The following NEK5 variants were observed in gnomAD, a reference collection of about 807,000 sequenced individuals.
NEK5 encodes NIMA related kinase 5.
In NEK5, 88 loss-of-function variants were observed where a neutral mutation model predicts 109.2. The observed-to-expected ratio is 0.81, with a 90% CI of 0.68 to 0.96. The LOEUF (loss-of-function observed/expected upper bound fraction) is 0.96, where lower values mean the gene tolerates loss of function less well. Among genes scored for constraint, NEK5 ranks in the 40% least tolerant of loss-of-function variants. The pLI is 0.00. For synonymous variants in NEK5, 283 were observed against 299.9 expected (o/e 0.94, Z 0.58); for missense variants, 834 against 920.7 (o/e 0.91, Z 1.22).
chr13:52,086,621 C>T (rs745914437), intron 15 of NEK5, among the ~76,000 whole-genome samples: 1 of 152,150 alleles, frequency 6.6e-6, no homozygotes, highest in Non-Finnish European at 1.5e-5. Context: ...ATAAATCCCA[C>T]TTTTATATAT....
chr13:52,046,245 G>C (rs1047182019), intron 23 of NEK5, among the ~76,000 whole-genome samples: 1 of 151,394 alleles, frequency 6.6e-6, no homozygotes, highest in African/African-American at 2.4e-5. Context: ...GGGGGGCCAA[G>C]GCATGAAAAT....
intron 23 of NEK5, among the ~76,000 whole-genome samples, chr13:52,048,343 G>A (rs1321218224): frequency 1.3e-5 from 2 of 151,394 alleles, no homozygotes; most frequent in African/African-American, 2.4e-5. Context: ...AGGCTGAGAC[G>A]GGAGGATCAC....
At chr13:52,084,709 AAGAGAG>A (rs879660846) in intron 16 of NEK5, among the ~76,000 whole-genome samples, 7 of 93,838 alleles carry the variant, frequency 7.5e-5, no homozygotes, top group East Asian at 6.5e-4. Context: ...GGCTAATTTA[AAGAGAG>A]AGAGAGAGAG....
Position 52,076,150 on chromosome 13 carries a change from AT to A in NEK5, c.1573-8del. 2 of 1,522,804 alleles carry A rather than the reference AT, an allele frequency of 1.3e-6. No individual in the cohort carries two copies. The highest frequency in any genetic ancestry group is 1.2e-5 in the South Asian group (1 of 85,992). The allele number at this position is 1,522,804 out of a possible 1,614,324, so 94.3% of individuals were successfully genotyped here. A position where few individuals can be genotyped will look rare whatever the true frequency, so the allele number is the denominator to read the frequency against. On this transcript the variant is annotated splice_polypyrimidine_tract_variant and splice_region_variant and intron_variant, in intron 17 of 23. Coordinates refer to ENST00000684899, the MANE Select transcript of NEK5 (RefSeq NM_001365552.1). ...TCAAGTCTTTTTCAATGTCCTGAAAATTTAGAGAAAAATACAATTCTCTCAC... is the reference window on the plus strand; with the variant it reads ...TCAAGTCTTTTTCAATGTCCTGAAAATTAGAGAAAAATACAATTCTCTCAC...
At chr13:52,086,135 C>T in intron 16 of NEK5, 142 bp downstream of exon 16, 1 of 668,476 alleles carries the variant, frequency 1.5e-6, no homozygotes, top group Non-Finnish European at 2.6e-6. Context: ...TGACAGCTTT[C>T]CTATTAAAAA....
intron 12 of NEK5, among the ~76,000 whole-genome samples, chr13:52,094,819 T>C (rs1955369648): frequency 6.6e-6 from 1 of 152,184 alleles, no homozygotes; most frequent in South Asian, 2.1e-4. Context: ...TCTAGAAAAA[T>C]GGCACTTTCA....
In NEK5 at chr13:52,082,329, A is replaced by C. The variant is rs760779207; in HGVS notation, c.1572+931T>G. On this transcript the variant is annotated intron_variant, in intron 17 of 23. Coordinates refer to ENST00000684899, the MANE Select transcript of NEK5 (RefSeq NM_001365552.1). ...AAATTCCATCTAAAAAAAAAAGATA[A>C]TAATAATTCTTAGTATGGGCCAAAT... 4.5e-6 allele frequency: 5 copies of C among 1,109,520 alleles called. No individual in the cohort carries two copies. In the South Asian group the frequency reaches 7.1e-5, roughly 16 times the overall value. 68.7% of individuals were successfully genotyped at this position (1,109,520 alleles called of 1,614,324 possible). A position where few individuals can be genotyped will look rare whatever the true frequency, so the allele number is the denominator to read the frequency against.
At chr13:52,046,461 AAAGT>A (rs1263291575) in intron 23 of NEK5, among the ~76,000 whole-genome samples, 1 of 151,382 alleles carries the variant, frequency 6.6e-6, no homozygotes, top group Non-Finnish European at 1.5e-5. Flanking sequence ...CCTGGGGAAC[AAAGT>A]AAGATCCTGT....
At chr13:52,097,905 A>G (rs1157754249) in intron 12 of NEK5, among the ~76,000 whole-genome samples, 1 of 152,134 alleles carries the variant, frequency 6.6e-6, no homozygotes, top group Non-Finnish European at 1.5e-5. Context: ...GTGGAAGGTG[A>G]TTAGATTATG....
At chr13:52,087,928 CTT>C (rs758944022) in intron 14 of NEK5, among the ~76,000 whole-genome samples, 40 of 110,202 alleles carry the variant, frequency 3.6e-4, no homozygotes, top group Admixed American at 3.8e-4. Context: ...CCCAGCCTTT[CTT>C]TTTTTTTTTT....
chr13:52,117,675 A>G (rs1372331815), intron 4 of NEK5, among the ~76,000 whole-genome samples: 1 of 152,210 alleles, frequency 6.6e-6, no homozygotes, highest in Non-Finnish European at 1.5e-5. Flanking sequence ...GCCAAGGATC[A>G]AGTGGTGAGC....
At chr13:52,093,268 C>G (rs749705565) in intron 12 of NEK5, 33 bp from the exon 13 acceptor site, 1 of 1,548,632 alleles carries the variant, frequency 6.5e-7, no homozygotes, top group Non-Finnish European at 8.9e-7. Context: ...TTTTTAAAAA[C>G]CATAATACAG....
At position 52,110,483 on chromosome 13, in the gene NEK5, T is replaced by C. The variant is rs749791288; in HGVS notation, c.396+11A>G. ...ATCAGTTCTGTCTTAGTCTTCTCTC[T>C]GAGCTGTTACCTGAGCTTTTATGTC... On this transcript the variant is annotated intron_variant, in intron 6 of 23. Coordinates refer to ENST00000684899, the MANE Select transcript of NEK5 (RefSeq NM_001365552.1). The C allele has an allele frequency of 2.1e-5, 34 of 1,602,064 alleles. No individual in the cohort carries two copies. Among genetic ancestry groups the C allele is most frequent in the Non-Finnish European group, 2.9e-5 (34 of 1,169,126 alleles).
At chr13:52,037,543 C>T (rs990495385) in intron 23 of NEK5, among the ~76,000 whole-genome samples, 5 of 152,072 alleles carry the variant, frequency 3.3e-5, no homozygotes, top group Non-Finnish European at 7.4e-5. Context: ...TCCTAGGGTA[C>T]TTATACCATA....
chr13:52,086,371 G>A lies in NEK5; in HGVS notation c.1393-8C>T. 1.9e-6 allele frequency: 3 copies of A among 1,574,734 alleles called. No individual in the cohort carries two copies. The South Asian group carries it at 3.3e-5, about 17-fold the overall frequency. ...TAACTGCTTCCAATATTCCTGGAAAGCAAACCCAATCCAGAAACTTTAAAT... is the reference window on the plus strand; with the variant it reads ...TAACTGCTTCCAATATTCCTGGAAAACAAACCCAATCCAGAAACTTTAAAT... On this transcript the variant is annotated splice_polypyrimidine_tract_variant and splice_region_variant and intron_variant, in intron 15 of 23. Coordinates refer to ENST00000684899, the MANE Select transcript of NEK5 (RefSeq NM_001365552.1).
At chr13:52,052,439 C>G (rs770822754) in intron 22 of NEK5, among the ~76,000 whole-genome samples, 1 of 152,090 alleles carries the variant, frequency 6.6e-6, no homozygotes, top group African/African-American at 2.4e-5. Flanking sequence ...GTATAAGACT[C>G]CTATTGGGGA....
At chr13:52,101,140 TGTAATCCCA>T (rs1342232460) in intron 11 of NEK5, among the ~76,000 whole-genome samples, 4 of 152,200 alleles carry the variant, frequency 2.6e-5, no homozygotes, top group African/African-American at 9.7e-5. Context: ...GGCTCACGCC[TGTAATCCCA>T]GCACTTTGGG....
chr13:52,036,819 G>T lies in NEK5; in HGVS notation c.*129C>A. 3.1e-6 allele frequency: 1 copy of T among 321,240 alleles called. No homozygotes were observed. Among genetic ancestry groups the T allele is most frequent in the Non-Finnish European group, 4.5e-6 (1 of 222,960 alleles). 19.9% of individuals were successfully genotyped at this position (321,240 alleles called of 1,614,324 possible). ...ATTCAAAAGTTCTACTTCCTAAATT[G>T]AAAGAAAAATTAATAAATCCTTGAG... On this transcript the variant is annotated 3_prime_UTR_variant, in exon 24 of 24. Transcript: ENST00000684899.
At chr13:52,084,762 A>AGAGAGTGT (rs1228944662) in intron 16 of NEK5, among the ~76,000 whole-genome samples, 68 of 47,426 alleles carry the variant, frequency 1.4e-3, no homozygotes, top group African/African-American at 2.5e-3. Context: ...AGAGAGAGAG[A>AGAGAGTGT]GTGTGTGTGT....
Sources: gnomAD v4.1 joint callset for allele counts (sites outside exome capture counted in the v4.1 genomes callset) on GRCh38, gnomAD v4.1.1 for gene constraint, MANE v1.5 for transcripts, NCBI Gene and HGNC (gene_info 2026-07-23, HGNC 2026-07-21) for gene names.